KCNQ3: variants seen among roughly 807,000 people sequenced by gnomAD.
KCNQ3 encodes potassium voltage-gated channel subfamily KQT member 3.
Under a neutral mutation model 92.5 loss-of-function variants are expected in KCNQ3, and 30 were observed. The ratio of observed to expected loss-of-function variants is 0.32; its 90% CI spans 0.24 to 0.44. The LOEUF (loss-of-function observed/expected upper bound fraction) is 0.44, where lower values mean the gene tolerates loss of function less well. Ranked by LOEUF, KCNQ3 falls within the 20% of genes least tolerant of loss-of-function variation. The pLI is 1.00. For synonymous variants in KCNQ3, 450 were observed against 468.8 expected (o/e 0.96, Z 0.52); for missense variants, 913 against 1,140.3 (o/e 0.80, Z 2.87).
intron 1 of KCNQ3, among the ~76,000 whole-genome samples, chr8:132,451,004 G>A (rs1051114618): frequency 6.6e-6 from 1 of 152,160 alleles, no homozygotes; most frequent in Non-Finnish European, 1.5e-5. Flanking sequence ...TTTACTCATC[G>A]CTCAAGATCA....
chr8:132,137,054 AG>A (rs1307984303), intron 12 of KCNQ3, among the ~76,000 whole-genome samples: 1 of 146,774 alleles, frequency 6.8e-6, no homozygotes, highest in Non-Finnish European at 1.5e-5. Flanking sequence ...TATTTTTAGT[AG>A]AGAGGGGGTT....
rs557781138 is a variant in KCNQ3 at position 132,249,332 on chromosome 8, T to C, written c.387-63151A>G. Among the ~76,000 whole-genome samples, 525 of 152,282 alleles carry C rather than the reference T, an allele frequency of 3.4e-3. 1 individual carries two copies. The highest frequency in any genetic ancestry group is 0.012 in the African/African-American group (501 of 41,572). On this transcript the variant is annotated intron_variant, in intron 1 of 14. Coordinates refer to ENST00000388996, the MANE Select transcript of KCNQ3 (RefSeq NM_004519.4). ...ATTGGTCTGTTTTACAGAGAGCTGATTGGTTCGTTTTGACAGGGTGCTGAT... is the reference window on the plus strand; with the variant it reads ...ATTGGTCTGTTTTACAGAGAGCTGACTGGTTCGTTTTGACAGGGTGCTGAT...
At position 132,480,497 on chromosome 8, in the gene KCNQ3, A is replaced by G; in HGVS notation, c.36T>C (p.Ala12=). 2 of 1,155,658 alleles carry G rather than the reference A, an allele frequency of 1.7e-6. No homozygotes were observed. The highest frequency in any genetic ancestry group is 1.1e-6 in the Non-Finnish European group (1 of 945,194). 71.6% of individuals were successfully genotyped at this position (1,155,658 alleles called of 1,614,324 possible). Residue 12 remains alanine, a synonymous_variant, in exon 1 of 15, where the codon GCT becomes GCC. Transcript: ENST00000388996. ...GLKARRAAGA[A]GGGGDGGGGG... Reference sequence around the variant, plus strand: ...CGCCGCCCCCGTCGCCGCCGCCGCCAGCCGCCCCCGCCGCCCTGCGCGCCT... The same window carrying G: ...CGCCGCCCCCGTCGCCGCCGCCGCCGGCCGCCCCCGCCGCCCTGCGCGCCT...
At chr8:132,385,097 C>T (rs1174045138) in intron 1 of KCNQ3, among the ~76,000 whole-genome samples, 1 of 152,204 alleles carries the variant, frequency 6.6e-6, no homozygotes, top group African/African-American at 2.4e-5. Context: ...ATGCCTCTTT[C>T]CACATGTGGT....
rs141276914 is a variant in KCNQ3, at chr8:132,446,496, C to T, written c.386+33651G>A. On this transcript the variant is annotated intron_variant, in intron 1 of 14. Transcript: ENST00000388996. ...CCTTCCCTGGGTTCAGGTTCTTCGTCCTTTAAGCTGAAAAGCAGAGCTAGA... is the reference window on the plus strand; with the variant it reads ...CCTTCCCTGGGTTCAGGTTCTTCGTTCTTTAAGCTGAAAAGCAGAGCTAGA... 2.6e-5 allele frequency among the ~76,000 whole-genome samples: 4 copies of T among 152,240 alleles called. No homozygotes were observed. In the East Asian group the frequency reaches 5.8e-4, roughly 22 times the overall value.
At chr8:132,468,383 A>C (rs1314462807) in intron 1 of KCNQ3, among the ~76,000 whole-genome samples, 2 of 152,218 alleles carry the variant, frequency 1.3e-5, no homozygotes, top group African/African-American at 4.8e-5. Flanking sequence ...ATTTCACTCC[A>C]TCTCTCCAAG....
chr8:132,374,583 C>T (rs975152631), intron 1 of KCNQ3, among the ~76,000 whole-genome samples: 4 of 152,152 alleles, frequency 2.6e-5, no homozygotes, highest in African/African-American at 7.2e-5. Flanking sequence ...TAAGTAAACT[C>T]GTGTTACGGG....
intron 1 of KCNQ3, among the ~76,000 whole-genome samples, chr8:132,323,124 A>G (rs562906913): frequency 6.6e-5 from 10 of 152,080 alleles, no homozygotes; most frequent in African/African-American, 2.4e-4. Context: ...TTTTTAGGAG[A>G]CCCTATGCCA....
intron 1 of KCNQ3, 136 bp downstream of exon 1, chr8:132,480,011 G>T: frequency 1.3e-6 from 1 of 771,412 alleles, no homozygotes; most frequent in Non-Finnish European, 2.1e-6. Flanking sequence ...AACGCGTGCT[G>T]AGGACGGGCT....
intron 9 of KCNQ3, 27 bp downstream of exon 9, chr8:132,163,441 G>C: frequency 6.3e-7 from 1 of 1,597,778 alleles, no homozygotes; most frequent in Non-Finnish European, 8.6e-7. Context: ...GAGATGTGAA[G>C]AAGGGAATTC....
intron 8 of KCNQ3, among the ~76,000 whole-genome samples, chr8:132,165,340 C>T (rs1563782300): frequency 6.6e-6 from 1 of 152,182 alleles, no homozygotes; most frequent in African/African-American, 2.4e-5. Context: ...GTTAGATCCC[C>T]AATACCAAAT....
In KCNQ3 at chr8:132,180,247, C is replaced by T. The variant is rs1460413315; in HGVS notation, c.687G>A (p.Leu229=). 2 of 1,614,068 alleles carry T rather than the reference C, an allele frequency of 1.2e-6. No homozygotes were observed. Among genetic ancestry groups the T allele is most frequent in the South Asian group, 1.1e-5 (1 of 91,094 alleles). Residue 229 remains leucine, a synonymous_variant, in exon 4 of 15, where the codon CTG becomes CTA. Coordinates refer to ENST00000388996, the MANE Select transcript of KCNQ3 (RefSeq NM_004519.4). Reference sequence around the variant, plus strand: ...GCATGCGCAGGATCTGCAGGAAGCGCAGGCTTCGCAGGGAGGTGGCCAGAA... The same window carrying T: ...GCATGCGCAGGATCTGCAGGAAGCGTAGGCTTCGCAGGGAGGTGGCCAGAA... ...GNVLATSLRS[L]RFLQILRMLR... is the part of the protein sequence containing the mutation.
chr8:132,269,209 A>G (rs979347722), intron 1 of KCNQ3, among the ~76,000 whole-genome samples: 21 of 152,136 alleles, frequency 1.4e-4, no homozygotes. Flanking sequence ...GAAATGTTTC[A>G]TTTTAATGAA....
chr8:132,445,042 C>T (rs865817876), intron 1 of KCNQ3, among the ~76,000 whole-genome samples: 8 of 152,158 alleles, frequency 5.3e-5, no homozygotes, highest in East Asian at 1.9e-4. Context: ...AGGTAACATG[C>T]TCTGCACCCG....
At chr8:132,198,423 T>A (rs1241216167) in intron 1 of KCNQ3, among the ~76,000 whole-genome samples, 1 of 152,242 alleles carries the variant, frequency 6.6e-6, no homozygotes, top group East Asian at 1.9e-4. Context: ...TAACTAATAC[T>A]AGTTTTCCAG....
At chr8:132,184,177 C>T in intron 3 of KCNQ3, 64 bp downstream of exon 3, 2 of 1,608,486 alleles carry the variant, frequency 1.2e-6, no homozygotes, top group East Asian at 2.2e-5. Context: ...AAACTTTTCT[C>T]AGAGAAACAA....
intron 1 of KCNQ3, chr8:132,447,074 TG>T: frequency 1.3e-6 from 1 of 779,202 alleles, no homozygotes; most frequent in South Asian, 1.7e-5. Flanking sequence ...GAACCCAGGG[TG>T]AGTCACATCA....
chr8:132,358,240 G>C (rs1819068177), intron 1 of KCNQ3, among the ~76,000 whole-genome samples: 1 of 152,218 alleles, frequency 6.6e-6, no homozygotes, highest in Admixed American at 6.5e-5. Flanking sequence ...TGAAGAAGTG[G>C]GAGGAGCTGA....
At chr8:132,258,757 C>G (rs1815676748) in intron 1 of KCNQ3, among the ~76,000 whole-genome samples, 1 of 151,756 alleles carries the variant, frequency 6.6e-6, no homozygotes, top group Non-Finnish European at 1.5e-5. Context: ...AAGCCCTTAG[C>G]TAGAGTGACA....
Sources: allele counts gnomAD v4.1 joint callset (sites outside exome capture counted in the v4.1 genomes callset), GRCh38; gene constraint gnomAD v4.1.1; transcripts MANE v1.5; gene names NCBI Gene and HGNC (gene_info 2026-07-23, HGNC 2026-07-21).